ZNF618: variants seen among roughly 807,000 people sequenced by gnomAD.
ZNF618 encodes the protein neural precursor cell expressed, developmentally down-regulated 10.
In ZNF618, 34 loss-of-function variants were observed where a neutral mutation model predicts 103.0. That is an observed-to-expected ratio of 0.33 (90% confidence interval 0.25 to 0.44). ZNF618 has a LOEUF of 0.44. Among genes scored for constraint, ZNF618 ranks in the 20% least tolerant of loss-of-function variants. The probability of loss-of-function intolerance (pLI) is 1.00; values close to 1 mark genes in which losing one functional copy is unlikely to be tolerated. For synonymous variants in ZNF618, 551 were observed against 542.2 expected, an observed-to-expected ratio of 1.02 and a Z score of -0.23; for missense variants, 1,059 against 1,295.4, an observed-to-expected ratio of 0.82 and a Z score of 2.80.
intron 3 of ZNF618, among the ~76,000 whole-genome samples, chr9:113,992,511 G>A (rs1001612982): frequency 2.6e-5 from 4 of 152,148 alleles, no homozygotes; most frequent in African/African-American, 4.8e-5. Flanking sequence ...CCTGGTCACC[G>A]GGCATGGGGG....
intron 10 of ZNF618, among the ~76,000 whole-genome samples, chr9:114,024,823 G>A (rs1429105460): frequency 2.0e-5 from 3 of 151,834 alleles, no homozygotes; most frequent in Admixed American, 6.6e-5. Context: ...GATTTCAAGG[G>A]GGCCCATATG....
At chr9:113,972,308 C>G (rs1838045546) in intron 2 of ZNF618, among the ~76,000 whole-genome samples, 4 of 152,166 alleles carry the variant, frequency 2.6e-5, no homozygotes, top group African/African-American at 2.4e-5. Context: ...CTTGGCCTCC[C>G]AAAGTGCTGG....
At position 114,049,365 on chromosome 9, in the gene ZNF618, C is replaced by T. The variant is rs756967206; in HGVS notation, c.2063C>T (p.Thr688Met). The T allele has an allele frequency of 3.7e-6, 6 of 1,607,680 alleles. No individual in the cohort carries two copies. The highest frequency in any genetic ancestry group is 2.2e-5 in the East Asian group (1 of 44,612). ...GAGACCTTCGGGTCGCTGGAGGAGA[C>T]GTCTCCACCACCCTGCTGGAACTCG... The part of the protein sequence containing the change: ...AKETFGSLEE[T>M]SPPPCWNSVT... The change falls in exon 15 of 15, where the codon ACG (threonine) becomes ATG (methionine). Residue 688 changes from threonine to methionine, a missense_variant. Around this residue, in one of 6 missense-constraint regions of ZNF618, gnomAD observed 272 missense variants for 380.1 expected, o/e 0.72. Transcript: ENST00000374126.
intron 1 of ZNF618, among the ~76,000 whole-genome samples, chr9:113,933,152 G>A (rs1833747671): frequency 6.6e-6 from 1 of 152,176 alleles, no homozygotes; most frequent in Admixed American, 6.5e-5. Context: ...TTGGGAAGAT[G>A]ACTTCAGTGG....
chr9:113,924,284 A>G (rs542264927), intron 1 of ZNF618, among the ~76,000 whole-genome samples: 3 of 152,102 alleles, frequency 2.0e-5, no homozygotes, highest in African/African-American at 7.2e-5. Context: ...CATTTTATCT[A>G]AATTACCAAA....
At position 114,055,753 on chromosome 9, in the gene ZNF618, A is replaced by G. The variant is rs10817559; in HGVS notation, c.*5586A>G. The G allele has an allele frequency of 6.6e-6, 1 of 152,208 alleles. No homozygotes were observed. Among genetic ancestry groups the G allele is most frequent in the Non-Finnish European group, 1.5e-5 (1 of 67,960 alleles). The allele number at this position is 152,208 out of a possible 1,614,324, so 9.4% of individuals were successfully genotyped here. On this transcript the variant is annotated 3_prime_UTR_variant, in exon 15 of 15. Transcript: ENST00000374126. ...AAAAATTTACAAAAAAACAAACACA[A>G]AAAAAATATCTTTTTTAGGCCAGAG...
Position 114,007,529 on chromosome 9 carries a change from C to A in ZNF618, c.640+90C>A, listed in dbSNP as rs984889226. 10 of 1,270,614 alleles carry A rather than the reference C, an allele frequency of 7.9e-6. No homozygotes were observed. The African/African-American group carries it at 1.5e-4, about 19-fold the overall frequency. The allele number at this position is 1,270,614 out of a possible 1,614,324, so 78.7% of individuals were successfully genotyped here. On this transcript the variant is annotated intron_variant, in intron 7 of 14. Transcript: ENST00000374126. The stretch of plus-strand genomic sequence containing the variant: ...CCCAGCCCTCCCCGCCTCCCTCCTC[C>A]CTCTTACCCAGAAAAAGGCCAGGCA...
Position 114,036,310 on chromosome 9 carries a change from C to A in ZNF618, c.1179C>A (p.Thr393=), listed in dbSNP as rs752868257. The A allele has an allele frequency of 6.4e-7, 1 of 1,574,278 alleles. No homozygotes were observed. The highest frequency in any genetic ancestry group is 2.3e-5 in the East Asian group (1 of 42,854). ...CATTTCTCCCTCCAGAACCCTACAC[C>A]TGCGGCGCCTGTGGGATCCAGTTCC... is the stretch of plus-strand genomic sequence containing the variant. The part of the protein sequence containing the change: ...SSSQNSSEPY[T]CGACGIQFQF... The change falls in exon 13 of 15, where the codon ACC becomes ACA. Residue 393 remains threonine, a synonymous_variant. Transcript: ENST00000374126.
intron 1 of ZNF618, among the ~76,000 whole-genome samples, chr9:113,895,119 C>CT (rs1829929123): frequency 6.6e-6 from 1 of 151,864 alleles, no homozygotes; most frequent in Non-Finnish European, 1.5e-5. Flanking sequence ...TTCTGAGTTG[C>CT]TAAGAGTTTT....
At chr9:113,934,214 G>A (rs1833848513) in intron 1 of ZNF618, among the ~76,000 whole-genome samples, 1 of 152,180 alleles carries the variant, frequency 6.6e-6, no homozygotes, top group Admixed American at 6.5e-5. Flanking sequence ...GGTGGGAGGG[G>A]TTGTCTGGTG....
intron 1 of ZNF618, among the ~76,000 whole-genome samples, chr9:113,888,041 GT>G (rs895292530): frequency 6.7e-6 from 1 of 148,310 alleles, no homozygotes. Flanking sequence ...AGTAGGGTTT[GT>G]TTTTTTTTTA....
intron 1 of ZNF618, among the ~76,000 whole-genome samples, chr9:113,930,891 A>G (rs895331973): frequency 6.6e-6 from 1 of 152,188 alleles, no homozygotes; most frequent in Admixed American, 6.5e-5. Flanking sequence ...TCTGGATTTT[A>G]GCCTTATTCG....
Position 114,048,980 on chromosome 9 carries a change from C to T in ZNF618, c.1678C>T (p.Pro560Ser), listed in dbSNP as rs1020392545. 3 of 1,613,168 alleles carry T rather than the reference C, an allele frequency of 1.9e-6. No homozygotes were observed. In the South Asian group the frequency reaches 3.3e-5, roughly 18 times the overall value. Residue 560 changes from proline to serine, a missense_variant, in exon 15 of 15, where the codon CCT (proline) becomes TCT (serine). Pro to Ser is a moderately conservative substitution (Grantham distance 74). This residue lies in a region of ZNF618 where 272 missense variants were observed against 380.1 expected (regional missense o/e 0.72). Coordinates refer to ENST00000374126, the MANE Select transcript of ZNF618 (RefSeq NM_001318042.2). ...GVTCHSQSVG[P>S]DSCYILTAYQ... is the part of the protein sequence containing the mutation. ...CACCTGCCACTCCCAGAGTGTTGGC[C>T]CTGACTCCTGCTACATCCTCACAGC...
At chr9:113,995,994 A>G (rs1840554346) in intron 3 of ZNF618, among the ~76,000 whole-genome samples, 1 of 152,166 alleles carries the variant, frequency 6.6e-6, no homozygotes, top group Admixed American at 6.5e-5. Flanking sequence ...ATTTTAGGAA[A>G]GAACACATTT....
At chr9:113,989,991 T>C (rs961802045) in intron 3 of ZNF618, among the ~76,000 whole-genome samples, 1 of 152,230 alleles carries the variant, frequency 6.6e-6, no homozygotes, top group Non-Finnish European at 1.5e-5. Context: ...GGCCAGAGCA[T>C]TAAGAGCCTC....
intron 9 of ZNF618, among the ~76,000 whole-genome samples, chr9:114,015,562 A>G (rs1481493050): frequency 1.3e-5 from 2 of 152,214 alleles, no homozygotes; most frequent in Non-Finnish European, 2.9e-5. Context: ...CAAAGGCCTT[A>G]AAAATACATA....
intron 1 of ZNF618, 84 bp from the exon 2 acceptor site, chr9:113,969,033 C>A: frequency 6.7e-7 from 1 of 1,484,618 alleles, no homozygotes; most frequent in South Asian, 1.1e-5. Context: ...GGCTGGTATT[C>A]AGTGGGAGCT....
intron 1 of ZNF618, among the ~76,000 whole-genome samples, chr9:113,885,967 A>G (rs1829034538): frequency 6.6e-6 from 1 of 152,192 alleles, no homozygotes; most frequent in South Asian, 2.1e-4. Flanking sequence ...TCTGCTATAG[A>G]AAACACAGGG....
At chr9:113,910,249 G>A (rs1371628527) in intron 1 of ZNF618, among the ~76,000 whole-genome samples, 2 of 152,192 alleles carry the variant, frequency 1.3e-5, no homozygotes. Flanking sequence ...CAGAAAGAGA[G>A]TAGGGTGCAG....
Sources: gnomAD v4.1 joint callset for allele counts (sites outside exome capture counted in the v4.1 genomes callset) on GRCh38, gnomAD v4.1.1 for gene constraint, gnomAD v4.1.1 regional missense constraint, MANE v1.5 for transcripts, NCBI Gene and HGNC (gene_info 2026-07-23, HGNC 2026-07-21) for gene names.